STX7: variants seen among roughly 807,000 people sequenced by gnomAD.
The protein encoded by STX7 is syntaxin-7.
STX7 carries 34 observed loss-of-function variants against 39.6 expected under a neutral mutation model. The ratio of observed to expected loss-of-function variants is 0.86; its 90% CI spans 0.65 to 1.14. The LOEUF (loss-of-function observed/expected upper bound fraction) is 1.14. Ranked by LOEUF, STX7 falls within the 50% of genes most tolerant of loss-of-function variation. The pLI, the probability that STX7 is intolerant of heterozygous loss-of-function variation, is 0.00. For synonymous variants in STX7, 119 were observed against 99.1 expected (o/e 1.20, Z -1.19); for missense variants, 284 against 310.4 (o/e 0.92, Z 0.64).
At chr6:132,470,120 A>AT in intron 6 of STX7, 73 bp from the exon 7 acceptor site, 1 of 1,109,500 alleles carries the variant, frequency 9.0e-7, no homozygotes, top group Non-Finnish European at 1.2e-6. Context: ...TTCCTATTTA[A>AT]GATATATTCA....
intron 9 of STX7, 100 bp downstream of exon 9, chr6:132,463,893 G>T: frequency 9.1e-7 from 1 of 1,094,026 alleles, no homozygotes. Context: ...AACATCTTCA[G>T]CCATTTTAAA....
chr6:132,473,575 T>C (rs1774794699), intron 3 of STX7, among the ~76,000 whole-genome samples: 1 of 150,584 alleles, frequency 6.6e-6, no homozygotes, highest in Admixed American at 6.6e-5. Flanking sequence ...TCTGGGGATA[T>C]ATAATCTATG....
Position 132,456,056 on chromosome 6 carries a change from G to C in STX7, c.*4702C>G, listed in dbSNP as rs1390366202. The C allele has an allele frequency of 6.6e-6, 1 of 152,134 alleles. No individual in the cohort carries two copies. The highest frequency in any genetic ancestry group is 2.4e-5 in the African/African-American group (1 of 41,410). The allele number at this position is 152,134 out of a possible 1,614,324, so 9.4% of individuals were successfully genotyped here. On this transcript the variant is annotated 3_prime_UTR_variant, in exon 10 of 10. Transcript: ENST00000367941. ...AGTGCTTTGCCCTCTATTTGGGGCA[G>C]TAATTCTATACATATCCTGTAAATG... is the stretch of plus-strand genomic sequence containing the variant.
chr6:132,502,950 T>C (rs908747235), intron 2 of STX7, among the ~76,000 whole-genome samples: 2 of 152,044 alleles, frequency 1.3e-5, no homozygotes, highest in African/African-American at 4.8e-5. Context: ...TAAAATACCT[T>C]CCTCAATAGA....
chr6:132,477,747 A>T (rs551505164), intron 2 of STX7, among the ~76,000 whole-genome samples: 116 of 152,306 alleles, frequency 7.6e-4, no homozygotes, highest in African/African-American at 2.7e-3. Context: ...TACATATATC[A>T]CAAGTATATA....
intron 3 of STX7, among the ~76,000 whole-genome samples, chr6:132,472,677 T>C (rs773077877): frequency 1.6e-4 from 25 of 152,214 alleles, no homozygotes; most frequent in Non-Finnish European, 2.9e-4. Context: ...CTGTTAGATG[T>C]CTGATCCTTT....
At position 132,497,088 on chromosome 6, in the gene STX7, C is replaced by G. The variant is rs191225751; in HGVS notation, c.85+6358G>C. Among the ~76,000 whole-genome samples, 4 of 152,274 alleles carry G rather than the reference C, an allele frequency of 2.6e-5. No homozygotes were observed. In the East Asian group the frequency reaches 7.7e-4, roughly 29 times the overall value. On this transcript the variant is annotated intron_variant, in intron 2 of 9. Transcript: ENST00000367941. ...TATCCTATGAGCCAGTAACCCAATT[C>G]CTTCACATACATGCACCAAAAGAAC...
chr6:132,500,932 C>A (rs556429213), intron 2 of STX7, among the ~76,000 whole-genome samples: 1 of 152,308 alleles, frequency 6.6e-6, no homozygotes, highest in African/African-American at 2.4e-5. Context: ...AATCTGACTA[C>A]CTGTAGCTTC....
At chr6:132,502,615 T>G (rs1775597169) in intron 2 of STX7, among the ~76,000 whole-genome samples, 1 of 133,714 alleles carries the variant, frequency 7.5e-6, no homozygotes, top group Non-Finnish European at 1.7e-5. Flanking sequence ...CAAAGAATAA[T>G]TTGGCCGGGC....
rs1774317765 is a variant in STX7 at position 132,458,896 on chromosome 6, A to G, written c.*1862T>C. On this transcript the variant is annotated 3_prime_UTR_variant, in exon 10 of 10. Transcript: ENST00000367941. ...TAAAGGTACTAAAATCACGCCCCCC[A>G]AATTTGTAAGCGCTTTTGTTGTTAT... 1 of 152,100 alleles carries G rather than the reference A, an allele frequency of 6.6e-6. No homozygotes were observed. The highest frequency in any genetic ancestry group is 1.5e-5 in the Non-Finnish European group (1 of 67,992). The allele number at this position is 152,100 out of a possible 1,614,324, so 9.4% of individuals were successfully genotyped here. A position where few individuals can be genotyped will look rare whatever the true frequency, so the allele number is the denominator to read the frequency against.
At chr6:132,512,232 A>G (rs1775864469) in intron 1 of STX7, among the ~76,000 whole-genome samples, 1 of 152,194 alleles carries the variant, frequency 6.6e-6, no homozygotes, top group Admixed American at 6.5e-5. Flanking sequence ...TCAGAATACA[A>G]CGATCTGAGG....
chr6:132,491,888 C>T (rs1005161845), intron 2 of STX7, among the ~76,000 whole-genome samples: 6 of 152,214 alleles, frequency 3.9e-5, no homozygotes, highest in African/African-American at 1.4e-4. Context: ...TCGTCACCCA[C>T]TCCCTAACCA....
At position 132,452,622 on chromosome 6, in the gene STX7, C is replaced by T. The variant is rs1774157969; in HGVS notation, c.*8136G>A. On this transcript the variant is annotated 3_prime_UTR_variant, in exon 10 of 10. Coordinates refer to ENST00000367941, the MANE Select transcript of STX7 (RefSeq NM_003569.3). ...GAACAGGAAATTCAAAATACAATGC[C>T]ATTTACAATCTCTCTCAAAAATTAA... is the stretch of plus-strand genomic sequence containing the variant. The T allele has an allele frequency of 6.6e-6, 1 of 152,054 alleles. No homozygotes were observed. Among genetic ancestry groups the T allele is most frequent in the Non-Finnish European group, 1.5e-5 (1 of 67,970 alleles). The allele number at this position is 152,054 out of a possible 1,614,324, so 9.4% of individuals were successfully genotyped here. A position where few individuals can be genotyped will look rare whatever the true frequency, so the allele number is the denominator to read the frequency against.
chr6:132,458,908 G>A lies in STX7; in HGVS notation c.*1850C>T, dbSNP rs1263111320. ...AATCACGCCCCCCAAATTTGTAAGC[G>A]CTTTTGTTGTTATTGGGTACTCACT... On this transcript the variant is annotated 3_prime_UTR_variant, in exon 10 of 10. Coordinates refer to ENST00000367941, the MANE Select transcript of STX7 (RefSeq NM_003569.3). The A allele has an allele frequency of 1.3e-5, 2 of 152,090 alleles. No homozygotes were observed. Among genetic ancestry groups the A allele is most frequent in the African/African-American group, 2.4e-5 (1 of 41,412 alleles). The allele number at this position is 152,090 out of a possible 1,614,324, so 9.4% of individuals were successfully genotyped here.
In STX7 at chr6:132,460,114, A is replaced by G. The variant is rs1280816568; in HGVS notation, c.*644T>C. 6.6e-6 allele frequency: 1 copy of G among 152,204 alleles called. No individual in the cohort carries two copies. Among genetic ancestry groups the G allele is most frequent in the Non-Finnish European group, 1.5e-5 (1 of 68,040 alleles). The allele number at this position is 152,204 out of a possible 1,614,324, so 9.4% of individuals were successfully genotyped here. Reference sequence around the variant, plus strand: ...AATAGACCATATGTAAAAACAACCTATCCTTAGTAATTTTACTAGGCAATC... The same window carrying G: ...AATAGACCATATGTAAAAACAACCTGTCCTTAGTAATTTTACTAGGCAATC... On this transcript the variant is annotated 3_prime_UTR_variant, in exon 10 of 10. Transcript: ENST00000367941.
At chr6:132,508,209 A>C (rs1775755684) in intron 1 of STX7, among the ~76,000 whole-genome samples, 2 of 152,218 alleles carry the variant, frequency 1.3e-5, no homozygotes, top group South Asian at 4.1e-4. Context: ...AGCACACCTG[A>C]GGCCTACTCT....
At chr6:132,478,263 C>T (rs1428356985) in intron 2 of STX7, among the ~76,000 whole-genome samples, 1 of 151,922 alleles carries the variant, frequency 6.6e-6, no homozygotes, top group Non-Finnish European at 1.5e-5. Flanking sequence ...AAAAAAAGGA[C>T]CGAAATGCAT....
intron 2 of STX7, among the ~76,000 whole-genome samples, chr6:132,487,608 C>T (rs1344007320): frequency 1.3e-5 from 2 of 151,464 alleles, no homozygotes; most frequent in African/African-American, 4.9e-5. Context: ...CAACCCTGCA[C>T]GTTCTGCACA....
In STX7 at chr6:132,489,340, T is replaced by C. The variant is rs145859173; in HGVS notation, c.86-13678A>G. The stretch of plus-strand genomic sequence containing the variant: ...TTAGAGTTAGGATCCAGGTTCGTTA[T>C]AGGGTACAATGTGTAGAGAAAAATG... On this transcript the variant is annotated intron_variant, in intron 2 of 9. Transcript: ENST00000367941. Among the ~76,000 whole-genome samples, 134 of 152,130 alleles carry C rather than the reference T, an allele frequency of 8.8e-4. 1 individual carries two copies. Among genetic ancestry groups the C allele is most frequent in the Middle Eastern group, 3.4e-3 (1 of 290 alleles).
Sources: gnomAD v4.1 joint callset for allele counts (sites outside exome capture counted in the v4.1 genomes callset) on GRCh38, gnomAD v4.1.1 for gene constraint, MANE v1.5 for transcripts, NCBI Gene and HGNC (gene_info 2026-07-23, HGNC 2026-07-21) for gene names.